The following RAB3IL1 variants were observed in gnomAD, a reference collection of about 807,000 sequenced individuals.
RAB3IL1 encodes the protein guanine nucleotide exchange factor for Rab-3A.
A neutral mutation model predicts 49.2 loss-of-function variants in RAB3IL1; 37 were observed. That is an observed-to-expected ratio of 0.75 (90% CI 0.58 to 0.99). RAB3IL1 has a LOEUF of 0.99. Among genes scored for constraint, RAB3IL1 ranks in the 50% least tolerant of loss-of-function variants. RAB3IL1 has a pLI of 0.00. For synonymous variants in RAB3IL1, 193 were observed against 213.9 expected (o/e 0.90, Z 0.85); for missense variants, 484 against 513.0 (o/e 0.94, Z 0.55).
chr11:61,933,438 A>G, the RAB3IL1 span, among the ~76,000 whole-genome samples: 1 of 136,648 alleles, frequency 7.3e-6, no homozygotes, highest in Non-Finnish European at 1.6e-5. Flanking sequence ...GCATAGATCT[A>G]CTGACATCTT....
chr11:61,935,968 A>AC, the RAB3IL1 span, among the ~76,000 whole-genome samples: 1 of 151,966 alleles, frequency 6.6e-6, no homozygotes, highest in Non-Finnish European at 1.5e-5. Flanking sequence ...CATTTAAAAA[A>AC]AAAAGAAAAA....
chr11:61,906,711 C>G lies in RAB3IL1; in HGVS notation c.439-27G>C. 1.3e-6 allele frequency: 2 copies of G among 1,581,044 alleles called. No homozygotes were observed. The highest frequency in any genetic ancestry group is 1.7e-6 in the Non-Finnish European group (2 of 1,162,698). On this transcript the variant is annotated intron_variant, in intron 4 of 9. Coordinates refer to ENST00000394836, the MANE Select transcript of RAB3IL1 (RefSeq NM_013401.4). This position sits in a 1 kb window ranked among gnomAD's most constrained non-coding sequence, Gnocchi z 4.6. ...TGCATGGGATGGGATGGCTGTCAAC[C>G]CTCACCCAGACTGGATGCCATCCTG...
chr11:61,899,788 C>G (rs1938810646), intron 8 of RAB3IL1: 1 of 194,418 alleles, frequency 5.1e-6, no homozygotes, highest in Non-Finnish European at 1.1e-5. Flanking sequence ...CCGGCTTGCT[C>G]CAGATGCTGG....
At chr11:61,902,040 C>T (rs543545114) in intron 8 of RAB3IL1, among the ~76,000 whole-genome samples, 5 of 152,288 alleles carry the variant, frequency 3.3e-5, no homozygotes, top group African/African-American at 9.6e-5. Flanking sequence ...TAAGGCTGGG[C>T]GTGGTGGCTC....
chr11:61,917,208 T>C, intron 1 of RAB3IL1, 149 bp downstream of exon 1: 1 of 1,223,190 alleles, frequency 8.2e-7, no homozygotes, highest in Non-Finnish European at 1.0e-6. Context: ...GTCTCCTGGC[T>C]GCAAGTCGGC....
At chr11:61,902,634 T>C (rs1336025466) in intron 7 of RAB3IL1, 93 bp from the exon 8 acceptor site, 1 of 1,178,520 alleles carries the variant, frequency 8.5e-7, no homozygotes. Flanking sequence ...GCTGAGAGGA[T>C]GCATGGGGAG....
chr11:61,931,976 G>T, the RAB3IL1 span, among the ~76,000 whole-genome samples: 1 of 152,120 alleles, frequency 6.6e-6, no homozygotes, highest in South Asian at 2.1e-4. Context: ...AACTGGCCAG[G>T]CATGGTGGTT....
chr11:61,899,000 G>A lies in RAB3IL1; in HGVS notation c.1066+314C>T, dbSNP rs1409134010. The A allele has an allele frequency of 1.9e-6, 1 of 529,412 alleles. No individual in the cohort carries two copies. Among genetic ancestry groups the A allele is most frequent in the Non-Finnish European group, 3.6e-6 (1 of 277,820 alleles). The allele number at this position is 529,412 out of a possible 1,614,324, so 32.8% of individuals were successfully genotyped here. ...TGGAGTGGGAGCAAAGGCTGGAGGTGGGTGACCCTGTGTTCAGGTGACCAG... is the reference window on the plus strand; with the variant it reads ...TGGAGTGGGAGCAAAGGCTGGAGGTAGGTGACCCTGTGTTCAGGTGACCAG... On this transcript the variant is annotated intron_variant, in intron 9 of 9. Transcript: ENST00000394836. The surrounding 1 kb of genome is among the most constrained non-coding windows in gnomAD (Gnocchi z 5.1).
At chr11:61,923,008 C>T (rs760304511), upstream of RAB3IL1, among the ~76,000 whole-genome samples, 10 of 152,222 alleles carry the variant, frequency 6.6e-5, no homozygotes, top group Non-Finnish European at 1.3e-4. Context: ...AGGGCTTGGC[C>T]TGGCTGGTGG....
chr11:61,904,135 G>T (rs548671001), intron 7 of RAB3IL1, among the ~76,000 whole-genome samples: 1 of 152,042 alleles, frequency 6.6e-6, no homozygotes, highest in Non-Finnish European at 1.5e-5. Flanking sequence ...CAGGCTCTTG[G>T]CTGCCAAGGT....
At chr11:61,903,622 C>A (rs540001060) in intron 7 of RAB3IL1, among the ~76,000 whole-genome samples, 1 of 152,066 alleles carries the variant, frequency 6.6e-6, no homozygotes, top group Admixed American at 6.5e-5. Flanking sequence ...CTCCCAGGCT[C>A]AAGCAATTCT....
the RAB3IL1 span, among the ~76,000 whole-genome samples, chr11:61,940,558 G>A: frequency 1.6e-4 from 24 of 152,154 alleles, no homozygotes; most frequent in African/African-American, 4.8e-4. Flanking sequence ...AGGCCAAGGC[G>A]AGAGGATTCC....
chr11:61,905,024 G>A, intron 5 of RAB3IL1, 142 bp from the exon 6 acceptor site: 1 of 648,094 alleles, frequency 1.5e-6, no homozygotes, highest in Non-Finnish European at 2.7e-6. Context: ...AGCCGTGCAG[G>A]GAAGCCAAGT....
chr11:61,924,307 A>G (rs1399132517), upstream of RAB3IL1, among the ~76,000 whole-genome samples: 2 of 152,180 alleles, frequency 1.3e-5, no homozygotes, highest in Non-Finnish European at 2.9e-5. Flanking sequence ...AGCCCCTGCC[A>G]GTAAGTCGTC....
At position 61,908,289 on chromosome 11, in the gene RAB3IL1, T is replaced by A; in HGVS notation, c.29A>T (p.Gln10Leu). The A allele has an allele frequency of 6.7e-7, 1 of 1,486,102 alleles. No homozygotes were observed. Among genetic ancestry groups the A allele is most frequent in the Non-Finnish European group, 8.9e-7 (1 of 1,120,898 alleles). The allele number at this position is 1,486,102 out of a possible 1,614,324, so 92.1% of individuals were successfully genotyped here. The change falls in exon 2 of 10, where the codon CAG (glutamine) becomes CTG (leucine). Residue 10 changes from glutamine to leucine, a missense_variant. Coordinates refer to ENST00000394836, the MANE Select transcript of RAB3IL1 (RefSeq NM_013401.4). MWSGPPQPD[Q>L]GLPPPLAAVP... ...AGCTGCAAGGGGCGGCGGGAGGCCC[T>A]GGTCTGGCTGGGGTGGGCTGGAGAC... is the stretch of plus-strand genomic sequence containing the variant.
chr11:61,899,296 C>A lies in RAB3IL1; in HGVS notation c.1066+18G>T, dbSNP rs761279789. ...CTCCCGTGTGCGATCCCTGCACCGG[C>A]CACCAGGGGGCGCTCACCGTCCTGC... On this transcript the variant is annotated intron_variant, in intron 9 of 9. Transcript: ENST00000394836. 9 of 1,600,346 alleles carry A rather than the reference C, an allele frequency of 5.6e-6. No individual in the cohort carries two copies. In the East Asian group the frequency reaches 1.1e-4, roughly 20 times the overall value.
chr11:61,930,137 A>G, the RAB3IL1 span, among the ~76,000 whole-genome samples: 1 of 149,686 alleles, frequency 6.7e-6, no homozygotes, highest in African/African-American at 2.5e-5. Context: ...TTAGAGTGAT[A>G]CACCTGCCTC....
the RAB3IL1 span, among the ~76,000 whole-genome samples, chr11:61,933,989 A>T: frequency 1.3e-5 from 2 of 152,100 alleles, 1 homozygote; most frequent in South Asian, 4.1e-4. Context: ...TTAAGGCTCT[A>T]CCAGTGAGGA....
chr11:61,919,159 C>T (rs568365102), upstream of RAB3IL1, among the ~76,000 whole-genome samples: 2 of 152,188 alleles, frequency 1.3e-5, no homozygotes, highest in African/African-American at 2.4e-5. Context: ...TCACAAGCCC[C>T]GGCAGGAGAT....
Sources: allele counts gnomAD v4.1 joint callset (sites outside exome capture counted in the v4.1 genomes callset), GRCh38; gene constraint gnomAD v4.1.1; non-coding constraint Gnocchi (gnomAD v3.1); transcripts MANE v1.5; gene names NCBI Gene and HGNC (gene_info 2026-07-23, HGNC 2026-07-21).